PCDHA13: variants seen among roughly 807,000 people sequenced by gnomAD.
PCDHA13 encodes the protein protocadherin alpha 13.
In PCDHA13, 54 loss-of-function variants were observed where a neutral mutation model predicts 64.8. That is an observed-to-expected ratio of 0.83 (90% CI 0.67 to 1.04). The LOEUF (loss-of-function observed/expected upper bound fraction) is 1.04. PCDHA13 is among the 50% of genes least tolerant of loss of function. The pLI is 0.00. For missense variants in PCDHA13, 1,248 were observed against 1,254.3 expected (o/e 0.99, Z 0.08); for synonymous variants, 587 against 564.4 (o/e 1.04, Z -0.57).
chr5:140,927,876 G>A lies in PCDHA13; in HGVS notation c.2394+43214G>A, dbSNP rs782412797. ...TAGCTAGCACCGCTAAACTGCTGGT[G>A]GAGGTGACTGACGTGAACGATCATG... On this transcript the variant is annotated intron_variant, in intron 1 of 3. Transcript: ENST00000289272. The A allele has an allele frequency of 1.9e-6, 3 of 1,614,202 alleles. No individual in the cohort carries two copies. The South Asian group carries it at 3.3e-5, about 18-fold the overall frequency.
At position 140,942,948 on chromosome 5, in the gene PCDHA13, C is replaced by T. The variant is rs534534050; in HGVS notation, c.2395-36001C>T. 1.4e-4 allele frequency among the ~76,000 whole-genome samples: 22 copies of T among 151,804 alleles called. No individual in the cohort carries two copies. The South Asian group carries it at 4.0e-3, about 27-fold the overall frequency. On this transcript the variant is annotated intron_variant, in intron 1 of 3. Transcript: ENST00000289272. ...ATTGAAAAAGAGTTTAAAGTGTAGA[C>T]GTTCTGTTATCAGAATTAAATTTTG... is the stretch of plus-strand genomic sequence containing the variant.
chr5:140,916,956 C>T (rs1554197714), intron 1 of PCDHA13, among the ~76,000 whole-genome samples: 1 of 152,220 alleles, frequency 6.6e-6, no homozygotes, highest in Non-Finnish European at 1.5e-5. Flanking sequence ...TTGCTGAGTT[C>T]TGACTGCTGG....
chr5:140,884,172 G>T lies in PCDHA13; in HGVS notation c.1904G>T (p.Arg635Leu), dbSNP rs142435897. ...TACACTGGCGAGATCAGCACGACGCGCCCTCTGGACGAGGTGGACGCGCCG... is the reference window on the plus strand; with the variant it reads ...TACACTGGCGAGATCAGCACGACGCTCCCTCTGGACGAGGTGGACGCGCCG... ...GLYTGEISTTRPLDEVDAPHH... is the reference protein window; with the variant it reads ...GLYTGEISTTLPLDEVDAPHH... Residue 635 changes from arginine to leucine, a missense_variant, in exon 1 of 4, where the codon CGC becomes CTC. Transcript: ENST00000289272. 84 of 1,613,386 alleles carry T rather than the reference G, an allele frequency of 5.2e-5. No homozygotes were observed. In the African/African-American group the frequency reaches 9.2e-4, roughly 18 times the overall value.
At chr5:140,902,668 G>C (rs1385644848) in intron 1 of PCDHA13, among the ~76,000 whole-genome samples, 3 of 152,126 alleles carry the variant, frequency 2.0e-5, no homozygotes, top group African/African-American at 7.2e-5. Context: ...CACCCAAGCA[G>C]TGTACACCGT....
chr5:140,963,238 A>G (rs1347398946), intron 1 of PCDHA13, among the ~76,000 whole-genome samples: 1 of 152,090 alleles, frequency 6.6e-6, no homozygotes, highest in Non-Finnish European at 1.5e-5. Context: ...TGTTTGATGG[A>G]TTAGGTAGGT....
At chr5:140,884,938 G>A (rs2060412389) in intron 1 of PCDHA13, among the ~76,000 whole-genome samples, 1 of 152,106 alleles carries the variant, frequency 6.6e-6, no homozygotes, top group African/African-American at 2.4e-5. Context: ...TCTTGCAATT[G>A]AGCATTTACA....
At chr5:140,946,210 G>C (rs140796631) in intron 1 of PCDHA13, among the ~76,000 whole-genome samples, 1 of 152,052 alleles carries the variant, frequency 6.6e-6, no homozygotes, top group African/African-American at 2.4e-5. Flanking sequence ...GCACACAAAT[G>C]ACCAACAGGT....
At chr5:140,965,490 C>G (rs115003344) in intron 1 of PCDHA13, among the ~76,000 whole-genome samples, 2,488 of 148,960 alleles carry the variant, frequency 0.017, 68 homozygotes, top group African/African-American at 0.057. Context: ...TGCTTAATGA[C>G]AGCAGATTTT....
rs782445481 is a variant in PCDHA13 at position 140,883,199 on chromosome 5, G to A, written c.931G>A (p.Glu311Lys). The A allele has an allele frequency of 6.2e-7, 1 of 1,613,862 alleles. No individual in the cohort carries two copies. The highest frequency in any genetic ancestry group is 8.5e-7 in the Non-Finnish European group (1 of 1,180,006). The change falls in exon 1 of 4, where the codon GAA becomes AAA. Residue 311 changes from glutamate to lysine, a missense_variant. Coordinates refer to ENST00000289272, the MANE Select transcript of PCDHA13 (RefSeq NM_018904.3). ...EIRTKGKLDF[E>K]EKKLYEISVE... The stretch of plus-strand genomic sequence containing the variant: ...TAGGACAAAAGGCAAACTAGATTTC[G>A]AAGAAAAGAAATTATATGAAATATC...
At position 140,884,170 on chromosome 5, in the gene PCDHA13, G is replaced by T. The variant is rs1333457358; in HGVS notation, c.1902G>T (p.Thr634=). The T allele has an allele frequency of 1.2e-6, 2 of 1,613,412 alleles. No individual in the cohort carries two copies. The highest frequency in any genetic ancestry group is 8.5e-7 in the Non-Finnish European group (1 of 1,179,732). ...TGTACACTGGCGAGATCAGCACGAC[G>T]CGCCCTCTGGACGAGGTGGACGCGC... ...VGLYTGEIST[T]RPLDEVDAPH... is the part of the protein sequence containing the mutation. The change falls in exon 1 of 4, where the codon ACG becomes ACT. Residue 634 remains threonine (T), a synonymous_variant. Coordinates refer to ENST00000289272, the MANE Select transcript of PCDHA13 (RefSeq NM_018904.3).
intron 1 of PCDHA13, among the ~76,000 whole-genome samples, chr5:140,908,751 C>T (rs1302522906): frequency 6.6e-6 from 1 of 152,170 alleles, no homozygotes; most frequent in Non-Finnish European, 1.5e-5. Context: ...GCAACTTGCA[C>T]ACAGCCTGGA....
At chr5:140,971,743 A>G (rs979953004) in intron 1 of PCDHA13, among the ~76,000 whole-genome samples, 1 of 151,474 alleles carries the variant, frequency 6.6e-6, no homozygotes, top group African/African-American at 2.4e-5. Flanking sequence ...ACACATACAT[A>G]TATCTCATAT....
At chr5:140,929,298 A>T in intron 1 of PCDHA13, 1 of 1,591,722 alleles carries the variant, frequency 6.3e-7, no homozygotes, top group South Asian at 1.1e-5. Context: ...GGAATAGGAA[A>T]GGGGATCACG....
intron 1 of PCDHA13, among the ~76,000 whole-genome samples, chr5:140,970,048 G>T (rs561588022): frequency 6.6e-6 from 1 of 152,296 alleles, no homozygotes; most frequent in African/African-American, 2.4e-5. Flanking sequence ...TTGTCTGGTT[G>T]GTCCAGGGAG....
chr5:140,919,307 T>C (rs567605906), intron 1 of PCDHA13, among the ~76,000 whole-genome samples: 2 of 152,348 alleles, frequency 1.3e-5, no homozygotes, highest in East Asian at 1.9e-4. Context: ...GTACAATATA[T>C]GTTTTCCCAT....
chr5:140,968,323 C>G, intron 1 of PCDHA13: 1 of 1,614,114 alleles, frequency 6.2e-7, no homozygotes, highest in Non-Finnish European at 8.5e-7. Flanking sequence ...TGCCAGTCAC[C>G]TCCTATGTCT....
At chr5:140,933,692 C>T (rs2089349269) in intron 1 of PCDHA13, among the ~76,000 whole-genome samples, 1 of 151,798 alleles carries the variant, frequency 6.6e-6, no homozygotes, top group African/African-American at 2.4e-5. Context: ...TTTCCTATTC[C>T]TCGGACACAT....
rs533097473 is a variant in PCDHA13 at position 140,902,214 on chromosome 5, T to C, written c.2394+17552T>C. ...CTCTCTCTCTCTTTCTTTTTTTTTT[T>C]TTTTTTTGAGATGAGGACTTGCTTT... On this transcript the variant is annotated intron_variant, in intron 1 of 3. Coordinates refer to ENST00000289272, the MANE Select transcript of PCDHA13 (RefSeq NM_018904.3). Among the ~76,000 whole-genome samples the C allele has an allele frequency of 1.3e-3, 198 of 150,584 alleles. 6 individuals are homozygous for C. The South Asian group carries it at 0.04, about 30-fold the overall frequency.
intron 3 of PCDHA13, among the ~76,000 whole-genome samples, chr5:140,994,582 G>A (rs1179279862): frequency 6.6e-6 from 1 of 152,062 alleles, no homozygotes; most frequent in Non-Finnish European, 1.5e-5. Context: ...GCATGCACTT[G>A]TAGTCTCAGC....
Sources: gnomAD v4.1 joint callset for allele counts (sites outside exome capture counted in the v4.1 genomes callset) on GRCh38, gnomAD v4.1.1 for gene constraint, MANE v1.5 for transcripts, NCBI Gene and HGNC (gene_info 2026-07-23, HGNC 2026-07-21) for gene names.